NAPB: variants seen among roughly 807,000 people sequenced by gnomAD.
The protein encoded by NAPB is NSF attachment protein beta, also known as beta-soluble NSF attachment protein.
NAPB carries 26 observed loss-of-function variants against 44.7 expected under a neutral mutation model. That is an observed-to-expected ratio of 0.58 (90% confidence interval 0.43 to 0.81). NAPB has a LOEUF of 0.81. NAPB is among the 30% of genes least tolerant of loss of function. The pLI is 0.00. For synonymous variants in NAPB, 120 were observed against 116.8 expected (o/e 1.03, Z -0.18); for missense variants, 315 against 356.4 (o/e 0.88, Z 0.94).
intron 5 of NAPB, among the ~76,000 whole-genome samples, chr20:23,391,990 T>C (rs1983993430): frequency 6.6e-6 from 1 of 152,228 alleles, no homozygotes; most frequent in South Asian, 2.1e-4. Flanking sequence ...AGAAGAGATT[T>C]GCAGGGACAA....
At position 23,374,625 on chromosome 20, in the gene NAPB, T is replaced by A. The variant is rs1159836379; in HGVS notation, c.*2751A>T. 1 of 152,194 alleles carries A rather than the reference T, an allele frequency of 6.6e-6. No homozygotes were observed. The highest frequency in any genetic ancestry group is 1.5e-5 in the Non-Finnish European group (1 of 68,030). 9.4% of individuals were successfully genotyped at this position (152,194 alleles called of 1,614,324 possible). On this transcript the variant is annotated 3_prime_UTR_variant, in exon 11 of 11. Transcript: ENST00000377026. ...CTCCATGGAGCAGGAAGCCTGCTCT[T>A]GGTCATAGCTCATACCACAGCAGGC...
chr20:23,403,276 G>A (rs1344073440), intron 1 of NAPB, among the ~76,000 whole-genome samples: 3 of 152,124 alleles, frequency 2.0e-5, no homozygotes, highest in Non-Finnish European at 4.4e-5. Flanking sequence ...TAACTAGCCC[G>A]AGGTGACACA....
chr20:23,394,824 C>T (rs982455374), intron 5 of NAPB, 98 bp downstream of exon 5: 36 of 1,269,868 alleles, frequency 2.8e-5, no homozygotes, highest in Admixed American at 2.7e-4. Context: ...TCTATGACCA[C>T]TCTACACCTA....
At chr20:23,398,854 ATTTTT>A (rs34074566) in intron 2 of NAPB, among the ~76,000 whole-genome samples, 9 of 90,442 alleles carry the variant, frequency 1.0e-4, no homozygotes, top group Admixed American at 4.5e-4. Flanking sequence ...CAAAAAAAAA[ATTTTT>A]TTTTTTTTTT....
chr20:23,399,627 G>A (rs369197193), intron 2 of NAPB, among the ~76,000 whole-genome samples: 1 of 152,234 alleles, frequency 6.6e-6, no homozygotes, highest in Non-Finnish European at 1.5e-5. Context: ...AGCTGGAACT[G>A]AAGAAGCCCT....
intron 1 of NAPB, among the ~76,000 whole-genome samples, chr20:23,404,804 ATGGC>A (rs1322107834): frequency 6.6e-6 from 1 of 152,248 alleles, no homozygotes; most frequent in Non-Finnish European, 1.5e-5. Flanking sequence ...GTGATACCAC[ATGGC>A]TCCTGCTAGG....
At chr20:23,399,070 T>G (rs1984623828) in intron 2 of NAPB, among the ~76,000 whole-genome samples, 1 of 151,980 alleles carries the variant, frequency 6.6e-6, no homozygotes, top group Admixed American at 6.6e-5. Flanking sequence ...AGTTCTCATG[T>G]GGGTTTCTGA....
chr20:23,396,783 G>A (rs1984400205), intron 3 of NAPB: 1 of 178,874 alleles, frequency 5.6e-6, no homozygotes, highest in African/African-American at 2.7e-5. Context: ...TAAAATTAAA[G>A]GTAATTTCCA....
intron 1 of NAPB, among the ~76,000 whole-genome samples, chr20:23,417,325 C>T (rs1600606114): frequency 6.6e-6 from 1 of 152,298 alleles, no homozygotes; most frequent in East Asian, 1.9e-4. Context: ...CTCAAGTGAT[C>T]CACCCGCCTC....
chr20:23,405,656 G>A (rs1033158396), intron 1 of NAPB, among the ~76,000 whole-genome samples: 1 of 152,128 alleles, frequency 6.6e-6, no homozygotes, highest in Non-Finnish European at 1.5e-5. Context: ...CCTGGGAGGC[G>A]GAGGATGCAC....
chr20:23,421,062 T>TG (rs1202225773), intron 1 of NAPB, among the ~76,000 whole-genome samples: 19 of 137,564 alleles, frequency 1.4e-4, no homozygotes, highest in African/African-American at 1.9e-4. Flanking sequence ...CCAGGGACCC[T>TG]GGGGGGGCCT....
rs542070076 is a variant in NAPB at position 23,403,122 on chromosome 20, T to C, written c.99-50A>G. The C allele has an allele frequency of 2.3e-6, 3 of 1,310,006 alleles. No homozygotes were observed. The South Asian group carries it at 3.6e-5, about 16-fold the overall frequency. The allele number at this position is 1,310,006 out of a possible 1,614,324, so 81.1% of individuals were successfully genotyped here. ...TTTTAACAACCATCCACATCTCTAA[T>C]TCTCCCTCCCTCAAATGATTAACAT... On this transcript the variant is annotated intron_variant, in intron 1 of 10. Transcript: ENST00000377026.
At chr20:23,413,994 A>G (rs1985836523) in intron 1 of NAPB, among the ~76,000 whole-genome samples, 1 of 152,236 alleles carries the variant, frequency 6.6e-6, no homozygotes, top group African/African-American at 2.4e-5. Context: ...ATACAAATGA[A>G]TTGTAGATAA....
chr20:23,375,504 ATAT>A lies in NAPB; in HGVS notation c.*1869_*1871del, dbSNP rs3833334. On this transcript the variant is annotated 3_prime_UTR_variant, in exon 11 of 11. Transcript: ENST00000377026. ...AAGTGCATTTGGCTGGTTGTAGGAT[ATAT>A]TATTAGGTGGGGAAACAAAACCCCA... 0.25 allele frequency: 37,749 copies of A among 151,990 alleles called. 5,345 individuals are homozygous for A. The highest frequency in any genetic ancestry group is 0.37 in the Middle Eastern group (107 of 292). 9.4% of individuals were successfully genotyped at this position (151,990 alleles called of 1,614,324 possible).
chr20:23,392,756 C>T (rs1415360459), intron 5 of NAPB, among the ~76,000 whole-genome samples: 1 of 151,666 alleles, frequency 6.6e-6, no homozygotes, highest in East Asian at 2.0e-4. Flanking sequence ...CTCCTGGGCT[C>T]AAGTGATCCT....
At chr20:23,409,887 C>T (rs763435232) in intron 1 of NAPB, among the ~76,000 whole-genome samples, 21 of 152,306 alleles carry the variant, frequency 1.4e-4, no homozygotes, top group South Asian at 6.2e-4. Flanking sequence ...GTCAGAGGGG[C>T]GTCTGTCGAC....
intron 10 of NAPB, among the ~76,000 whole-genome samples, chr20:23,377,727 C>T (rs6137914): frequency 0.075 from 11,468 of 151,918 alleles, 663 homozygotes; most frequent in East Asian, 0.3. Context: ...TGTTTTCAAA[C>T]GTGTAAGAAA....
At chr20:23,377,755 A>AT (rs1185772849) in intron 10 of NAPB, among the ~76,000 whole-genome samples, 2 of 152,230 alleles carry the variant, frequency 1.3e-5, no homozygotes, top group South Asian at 2.1e-4. Flanking sequence ...ATTAACAGTC[A>AT]TAATTATTGT....
At chr20:23,418,607 T>C (rs948784945) in intron 1 of NAPB, among the ~76,000 whole-genome samples, 2 of 152,226 alleles carry the variant, frequency 1.3e-5, no homozygotes, top group East Asian at 3.9e-4. Flanking sequence ...CATGGTACAT[T>C]AATGGTTAAA....
Sources: allele counts gnomAD v4.1 joint callset (sites outside exome capture counted in the v4.1 genomes callset), GRCh38; gene constraint gnomAD v4.1.1; transcripts MANE v1.5; gene names NCBI Gene and HGNC (gene_info 2026-07-23, HGNC 2026-07-21).